ANK3: variants seen among roughly 807,000 people sequenced by gnomAD.
ANK3 encodes the protein ankyrin 3.
A neutral mutation model predicts 370.9 loss-of-function variants in ANK3; 57 were observed. The ratio of observed to expected loss-of-function variants is 0.15; its 90% CI spans 0.12 to 0.19. The LOEUF (loss-of-function observed/expected upper bound fraction) is 0.19, where lower values mean the gene tolerates loss of function less well. Ranked by LOEUF, ANK3 falls within the 10% of genes least tolerant of loss-of-function variation. ANK3 has a pLI of 1.00. For synonymous variants in ANK3, 1,929 were observed against 1,946.3 expected (o/e 0.99, Z 0.23); for missense variants, 4,439 against 5,302.1 (o/e 0.84, Z 5.06).
chr10:60,535,611 C>T (rs915496101), intron 2 of ANK3, among the ~76,000 whole-genome samples: 35 of 152,014 alleles, frequency 2.3e-4, no homozygotes, highest in African/African-American at 8.5e-4. Context: ...ACTGATCTTA[C>T]CTCAGTCAAG....
chr10:60,599,526 A>C (rs1236318603), intron 2 of ANK3, among the ~76,000 whole-genome samples: 1 of 152,166 alleles, frequency 6.6e-6, no homozygotes, highest in Non-Finnish European at 1.5e-5. Context: ...TTTCTGCAAT[A>C]ATTTATTCCA....
intron 1 of ANK3, among the ~76,000 whole-genome samples, chr10:60,697,305 T>C (rs1589043568): frequency 6.6e-6 from 1 of 151,922 alleles, no homozygotes; most frequent in East Asian, 1.9e-4. Context: ...GAAAAATCAA[T>C]ATCGTGAAAA....
intron 2 of ANK3, among the ~76,000 whole-genome samples, chr10:60,467,256 GAA>G (rs1332898304): frequency 6.6e-6 from 1 of 152,138 alleles, no homozygotes; most frequent in Non-Finnish European, 1.5e-5. Flanking sequence ...TTTCATAGGA[GAA>G]AAGAGCAAAC....
chr10:60,408,146 C>T lies in ANK3; in HGVS notation c.97-128507G>A, dbSNP rs1369494577. ...GGAATTCCCTTTCCTAAGAAACACTCTTACCATTTTGAACTTTCTGTTACA... is the reference window on the plus strand; with the variant it reads ...GGAATTCCCTTTCCTAAGAAACACTTTTACCATTTTGAACTTTCTGTTACA... On this transcript the variant is annotated intron_variant, in intron 2 of 43. Transcript: ENST00000373827. 2.0e-5 allele frequency among the ~76,000 whole-genome samples: 3 copies of T among 152,342 alleles called. No homozygotes were observed. In the East Asian group the frequency reaches 5.8e-4, roughly 29 times the overall value.
intron 1 of ANK3, among the ~76,000 whole-genome samples, chr10:60,673,691 G>C (rs75273345): frequency 6.6e-6 from 1 of 152,042 alleles, no homozygotes; most frequent in Non-Finnish European, 1.5e-5. Flanking sequence ...AAGTGTTCAC[G>C]GTAAAAATAA....
intron 1 of ANK3, among the ~76,000 whole-genome samples, chr10:60,660,141 GT>G (rs1372114520): frequency 6.6e-6 from 1 of 152,064 alleles, no homozygotes; most frequent in African/African-American, 2.4e-5. Flanking sequence ...TGATTAGACA[GT>G]TGCTTGTATA....
chr10:60,658,741 T>C (rs1022703893), intron 1 of ANK3, among the ~76,000 whole-genome samples: 1 of 152,014 alleles, frequency 6.6e-6, no homozygotes, highest in Non-Finnish European at 1.5e-5. Flanking sequence ...ATAATATATG[T>C]AGCAACTCTG....
chr10:60,352,355 A>C (rs1388131664), intron 1 of ANK3, among the ~76,000 whole-genome samples: 1 of 152,202 alleles, frequency 6.6e-6, no homozygotes, highest in Non-Finnish European at 1.5e-5. Flanking sequence ...TGTGATAATA[A>C]AGTCCTTGCT....
intron 27 of ANK3, among the ~76,000 whole-genome samples, chr10:60,107,065 T>C (rs1028927081): frequency 1.3e-5 from 2 of 152,146 alleles, no homozygotes; most frequent in Admixed American, 6.5e-5. Context: ...TCAAATAATA[T>C]AAATAAAAAC....
At chr10:60,135,599 T>C (rs1590624534) in intron 24 of ANK3, among the ~76,000 whole-genome samples, 1 of 152,228 alleles carries the variant, frequency 6.6e-6, no homozygotes, top group East Asian at 1.9e-4. Context: ...AAAAACCATC[T>C]GGATCTAAAA....
At chr10:60,313,595 G>C (rs966163649) in intron 1 of ANK3, among the ~76,000 whole-genome samples, 13 of 151,990 alleles carry the variant, frequency 8.6e-5, no homozygotes, top group South Asian at 2.1e-4. Context: ...ATCTTCAGTT[G>C]GTCTTTTCCT....
chr10:60,079,174 T>TACACACATACACAC (rs2084530770), intron 36 of ANK3, among the ~76,000 whole-genome samples: 1 of 113,770 alleles, frequency 8.8e-6, no homozygotes, highest in African/African-American at 3.5e-5. Flanking sequence ...GCTACCTAGC[T>TACACACATACACAC]ACACACACAC....
chr10:60,606,421 C>T (rs1195867827), intron 2 of ANK3, among the ~76,000 whole-genome samples: 1 of 152,018 alleles, frequency 6.6e-6, no homozygotes, highest in Non-Finnish European at 1.5e-5. Flanking sequence ...AGTCTTCCCT[C>T]ATTTGGTGAT....
intron 1 of ANK3, among the ~76,000 whole-genome samples, chr10:60,360,422 T>C (rs2058419981): frequency 6.6e-6 from 1 of 152,184 alleles, no homozygotes; most frequent in Non-Finnish European, 1.5e-5. Context: ...AAGAGTACTA[T>C]CTAGGGCCTG....
At chr10:60,340,130 G>A (rs541325349) in intron 1 of ANK3, among the ~76,000 whole-genome samples, 1 of 152,258 alleles carries the variant, frequency 6.6e-6, no homozygotes, top group South Asian at 2.1e-4. Context: ...TGTTGCCCAG[G>A]CTAGGGTGCT....
chr10:60,086,644 T>A, intron 30 of ANK3, 33 bp downstream of exon 30: 1 of 1,552,028 alleles, frequency 6.4e-7, no homozygotes, highest in Non-Finnish European at 8.8e-7. Flanking sequence ...TCTTTGTGAA[T>A]CAATAGGAAG....
intron 2 of ANK3, among the ~76,000 whole-genome samples, chr10:60,554,327 C>T (rs1352170746): frequency 6.6e-6 from 1 of 152,090 alleles, no homozygotes; most frequent in African/African-American, 2.4e-5. Context: ...CAGGACTGCA[C>T]CCAGGGAACC....
At chr10:60,551,373 TTA>T (rs1402081648) in intron 2 of ANK3, among the ~76,000 whole-genome samples, 2 of 152,154 alleles carry the variant, frequency 1.3e-5, no homozygotes, top group Non-Finnish European at 2.9e-5. Context: ...GGCCATTCAA[TTA>T]TGTTTCTACT....
chr10:60,442,785 A>G (rs891964032), intron 2 of ANK3, among the ~76,000 whole-genome samples: 6 of 152,222 alleles, frequency 3.9e-5, no homozygotes, highest in Non-Finnish European at 5.9e-5. Context: ...AGATTATAGC[A>G]TTTGATCCCC....
Sources: allele counts gnomAD v4.1 joint callset (sites outside exome capture counted in the v4.1 genomes callset), GRCh38; gene constraint gnomAD v4.1.1; transcripts MANE v1.5; gene names NCBI Gene and HGNC (gene_info 2026-07-23, HGNC 2026-07-21).